BTBD7: variants seen among roughly 807,000 people sequenced by gnomAD.
BTBD7 encodes BTB domain containing 7, also known as BTB/POZ domain-containing protein 7.
A neutral mutation model predicts 99.9 loss-of-function variants in BTBD7; 38 were observed. The ratio of observed to expected loss-of-function variants is 0.38; its 90% confidence interval spans 0.29 to 0.50. The LOEUF (loss-of-function observed/expected upper bound fraction) is 0.50. Among genes scored for constraint, BTBD7 ranks in the 20% least tolerant of loss-of-function variants. The pLI is 0.93. For missense variants in BTBD7, 1,170 were observed against 1,394.6 expected, an observed-to-expected ratio of 0.84 and a Z score of 2.57; for synonymous variants, 520 against 511.4, an observed-to-expected ratio of 1.02 and a Z score of -0.23.
intron 1 of BTBD7, among the ~76,000 whole-genome samples, chr14:93,297,927 T>G (rs1003913771): frequency 6.6e-6 from 1 of 152,200 alleles, no homozygotes. Flanking sequence ...TAAGATGAGC[T>G]TGGAATCTGA....
chr14:93,296,210 C>A, intron 1 of BTBD7, 53 bp from the exon 2 acceptor site: 1 of 1,232,350 alleles, frequency 8.1e-7, no homozygotes, highest in Non-Finnish European at 1.0e-6. Flanking sequence ...TATCTCAGAT[C>A]ACAGTTTTTT....
chr14:93,319,209 T>C (rs2053242054), intron 1 of BTBD7, among the ~76,000 whole-genome samples: 1 of 152,210 alleles, frequency 6.6e-6, no homozygotes, highest in African/African-American at 2.4e-5. Flanking sequence ...TGAGACACTG[T>C]CTCTAACAAT....
intron 1 of BTBD7, among the ~76,000 whole-genome samples, chr14:93,327,068 G>A (rs1555394113): frequency 6.6e-6 from 1 of 152,180 alleles, no homozygotes; most frequent in Non-Finnish European, 1.5e-5. Flanking sequence ...GGCTGAGGCA[G>A]GAGGCTTGCT....
intron 1 of BTBD7, among the ~76,000 whole-genome samples, chr14:93,331,879 T>TCCCCCCCCCCCC (rs71129629): frequency 1.5e-5 from 2 of 133,182 alleles, no homozygotes; most frequent in African/African-American, 3.4e-5. Context: ...AGACTCCGTC[T>TCCCCCCCCCCCC]CCCCCCCCCC....
intron 1 of BTBD7, among the ~76,000 whole-genome samples, chr14:93,302,893 G>A (rs1441352983): frequency 1.3e-5 from 2 of 151,690 alleles, no homozygotes; most frequent in African/African-American, 2.4e-5. Flanking sequence ...TGTGCCTGTA[G>A]TCCCAGCTAT....
chr14:93,255,384 T>C (rs1272809084), intron 6 of BTBD7: 1 of 152,190 alleles, frequency 6.6e-6, no homozygotes, highest in Non-Finnish European at 1.5e-5. Flanking sequence ...TCAACTCAAG[T>C]GATCTGCCTG....
intron 4 of BTBD7, among the ~76,000 whole-genome samples, chr14:93,262,721 ATGTAGCCCTCATTTCTT>A (rs1341208272): frequency 6.6e-6 from 1 of 152,034 alleles, no homozygotes; most frequent in East Asian, 1.9e-4. Flanking sequence ...TGAAATGGCA[ATGTAGCCCTCATTTCTT>A]TGTATTTTAT....
At chr14:93,250,204 A>G (rs1423623830) in intron 8 of BTBD7, among the ~76,000 whole-genome samples, 1 of 152,338 alleles carries the variant, frequency 6.6e-6, no homozygotes, top group Non-Finnish European at 1.5e-5. Context: ...TGATACCAGA[A>G]CAGGACCATA....
rs2052202718 is a variant in BTBD7, at chr14:93,239,870, A to G, written c.*2403T>C. ...GTGGGATCAACAGCTCTGGTCTAAC[A>G]TTTGCGGGGGGGGAAGGGTCAGGGA... On this transcript the variant is annotated 3_prime_UTR_variant, in exon 11 of 11. Transcript: ENST00000334746. The G allele has an allele frequency of 6.6e-6, 1 of 152,078 alleles. No individual in the cohort carries two copies. The highest frequency in any genetic ancestry group is 1.5e-5 in the Non-Finnish European group (1 of 67,994). 9.4% of individuals were successfully genotyped at this position (152,078 alleles called of 1,614,324 possible).
At chr14:93,324,136 T>C (rs570077831) in intron 1 of BTBD7, among the ~76,000 whole-genome samples, 1 of 152,324 alleles carries the variant, frequency 6.6e-6, no homozygotes, top group East Asian at 1.9e-4. Context: ...TAAAGAGGAC[T>C]GTATCAATCA....
At position 93,264,006 on chromosome 14, in the gene BTBD7, G is replaced by C; in HGVS notation, c.1163-13C>G. On this transcript the variant is annotated splice_polypyrimidine_tract_variant and intron_variant, in intron 3 of 10. Transcript: ENST00000334746. ...ATATCCTCACAGCCTAAAAGAGAAG[G>C]CAAATACTTCTTGAGATTAATCATA... 1 of 1,601,626 alleles carries C rather than the reference G, an allele frequency of 6.2e-7. No individual in the cohort carries two copies. The highest frequency in any genetic ancestry group is 8.6e-7 in the Non-Finnish European group (1 of 1,168,922).
At chr14:93,261,446 A>G (rs1175318619) in intron 5 of BTBD7, among the ~76,000 whole-genome samples, 156 bp downstream of exon 5, 3 of 152,240 alleles carry the variant, frequency 2.0e-5, no homozygotes, top group African/African-American at 7.2e-5. Context: ...AATAAACTAT[A>G]CCCTGTCCAC....
intron 1 of BTBD7, among the ~76,000 whole-genome samples, chr14:93,314,439 A>G (rs1033865936): frequency 6.6e-6 from 1 of 152,232 alleles, no homozygotes; most frequent in Admixed American, 6.5e-5. Context: ...GTTTTATACA[A>G]AACTATTTTC....
chr14:93,304,349 TATTTA>T (rs1405497483), intron 1 of BTBD7, among the ~76,000 whole-genome samples: 2 of 152,204 alleles, frequency 1.3e-5, no homozygotes, highest in Non-Finnish European at 2.9e-5. Flanking sequence ...TTGAGTTTAT[TATTTA>T]TTTATTTTTA....
chr14:93,238,690 G>T lies in BTBD7; in HGVS notation c.*3583C>A, dbSNP rs1390497163. 1 of 152,150 alleles carries T rather than the reference G, an allele frequency of 6.6e-6. No individual in the cohort carries two copies. Among genetic ancestry groups the T allele is most frequent in the African/African-American group, 2.4e-5 (1 of 41,414 alleles). 9.4% of individuals were successfully genotyped at this position (152,150 alleles called of 1,614,324 possible). On this transcript the variant is annotated 3_prime_UTR_variant, in exon 11 of 11. Transcript: ENST00000334746. ...TCAACATTATGAAAATATATATTTT[G>T]CCGGGTAGTTACTGAGAAATGTCAA...
chr14:93,300,766 GTGTGTGTATA>G lies in BTBD7; in HGVS notation c.-106-4619_-106-4610del, dbSNP rs1212159133. ...TGTGTGTGTGTGTGTGTGTGTGTGTGTGTGTGTATATATATATATATTTTTTTTTTGTAGA... is the reference window on the plus strand; with the variant it reads ...TGTGTGTGTGTGTGTGTGTGTGTGTGTATATATATATTTTTTTTTTGTAGA... On this transcript the variant is annotated intron_variant, in intron 1 of 10. Transcript: ENST00000334746. Among the ~76,000 whole-genome samples the G allele has an allele frequency of 6.8e-4, 22 of 32,146 alleles. 1 individual carries two copies. The highest frequency in any genetic ancestry group is 3.9e-3 in the East Asian group (5 of 1,282). The allele number at this position is 32,146 out of a possible 152,430, so 21.1% of individuals were successfully genotyped here.
chr14:93,326,314 A>C (rs926590977), intron 1 of BTBD7, among the ~76,000 whole-genome samples: 1 of 152,120 alleles, frequency 6.6e-6, no homozygotes, highest in Non-Finnish European at 1.5e-5. Flanking sequence ...AAAAAGTACA[A>C]AAGTTAGCCA....
chr14:93,294,978 A>T (rs781318129), intron 2 of BTBD7, 41 bp from the exon 3 acceptor site: 5 of 1,485,648 alleles, frequency 3.4e-6, no homozygotes, highest in Non-Finnish European at 4.5e-6. Context: ...ATTTTTTCTT[A>T]ACATTCATTT....
Position 93,313,779 on chromosome 14 carries a change from G to A in BTBD7, c.-106-17622C>T, listed in dbSNP as rs187241200. On this transcript the variant is annotated intron_variant, in intron 1 of 10. Coordinates refer to ENST00000334746, the MANE Select transcript of BTBD7 (RefSeq NM_001002860.4). ...GAAAGGGTCCTGCTCTGTTGTCTAG[G>A]CTAGAGTATAGTAGTTCACTCATAG... 5.9e-5 allele frequency among the ~76,000 whole-genome samples: 9 copies of A among 151,862 alleles called. No homozygotes were observed. In the East Asian group the frequency reaches 1.5e-3, roughly 26 times the overall value.
Sources: gnomAD v4.1 joint callset for allele counts (sites outside exome capture counted in the v4.1 genomes callset) on GRCh38, gnomAD v4.1.1 for gene constraint, MANE v1.5 for transcripts, NCBI Gene and HGNC (gene_info 2026-07-23, HGNC 2026-07-21) for gene names.